Variants in HMX1 observed in about 807,000 individuals in gnomAD.
The protein encoded by HMX1 is H6 family homeobox 1, also known as homeobox protein HMX1.
HMX1 carries 8 observed loss-of-function variants against 8.9 expected under a neutral mutation model. The ratio of observed to expected loss-of-function variants is 0.90; its 90% CI spans 0.53 to 1.63. The LOEUF (loss-of-function observed/expected upper bound fraction) is 1.63. Among genes scored for constraint, HMX1 ranks in the 40% most tolerant of loss-of-function variants. The pLI is 0.00. For missense variants in HMX1, 621 were observed against 558.5 expected (o/e 1.11, Z -1.13); for synonymous variants, 311 against 283.4 (o/e 1.10, Z -0.98).
At chr4:8,860,662 G>A (rs1721770916) in intron 1 of HMX1, 1 of 152,312 alleles carries the variant, frequency 6.6e-6, no homozygotes, top group African/African-American at 2.4e-5. Context: ...CGCGCCTCGA[G>A]CTTCGCTCCG....
chr4:8,849,914 T>C lies in HMX1; in HGVS notation c.395-3590A>G, dbSNP rs1192996351. On this transcript the variant is annotated intron_variant, in intron 1 of 1. Coordinates refer to the HMX1 transcript ENST00000506970. The surrounding 1 kb of genome is among the most constrained non-coding windows in gnomAD (Gnocchi z 6.6). The stretch of plus-strand genomic sequence containing the variant: ...CTTGCTTCCTGTCAGGGGGGCCCGA[T>C]GGGAGGGACACAGGTGGGCAGGTGA... 6.6e-6 allele frequency among the ~76,000 whole-genome samples: 1 copy of C among 152,146 alleles called. No homozygotes were observed. The highest frequency in any genetic ancestry group is 1.5e-5 in the Non-Finnish European group (1 of 68,022).
intron 1 of HMX1, among the ~76,000 whole-genome samples, chr4:8,851,233 C>T (rs372830869): frequency 3.8e-4 from 58 of 152,276 alleles, no homozygotes; most frequent in African/African-American, 1.1e-3. Context: ...GAAGAGGGTT[C>T]GGGTCTTCGT....
In HMX1 at chr4:8,849,886, G is replaced by C. The variant is rs1721391120; in HGVS notation, c.395-3562C>G. Reference sequence around the variant, plus strand: ...CGGAGTCTTCAGATGAGGGTTCTCTGCCCTTGCTTCCTGTCAGGGGGGCCC... The same window carrying C: ...CGGAGTCTTCAGATGAGGGTTCTCTCCCCTTGCTTCCTGTCAGGGGGGCCC... On this transcript the variant is annotated intron_variant, in intron 1 of 1. Coordinates refer to the HMX1 transcript ENST00000506970. The surrounding 1 kb of genome is among the most constrained non-coding windows in gnomAD (Gnocchi z 6.6). 6.6e-6 allele frequency among the ~76,000 whole-genome samples: 1 copy of C among 152,182 alleles called. No homozygotes were observed. Among genetic ancestry groups the C allele is most frequent in the African/African-American group, 2.4e-5 (1 of 41,464 alleles).
chr4:8,848,852 C>T lies in HMX1; in HGVS notation c.395-2528G>A, dbSNP rs139007881. On this transcript the variant is annotated intron_variant, in intron 1 of 1. Coordinates refer to the HMX1 transcript ENST00000506970. This position sits in a 1 kb window ranked among gnomAD's most constrained non-coding sequence, Gnocchi z 4.1. Reference sequence around the variant, plus strand: ...CTGCCCAAGGGAAGGGCCTGGAGTCCCTGACACTTGGCCATCTGTGCACCG... The same window carrying T: ...CTGCCCAAGGGAAGGGCCTGGAGTCTCTGACACTTGGCCATCTGTGCACCG... 0.22 allele frequency among the ~76,000 whole-genome samples: 32,740 copies of T among 152,186 alleles called. 4,222 individuals carry two copies. Among genetic ancestry groups the T allele is most frequent in the East Asian group, 0.31 (1,610 of 5,166 alleles).
At chr4:8,863,282 C>T (rs559167852), downstream of HMX1, among the ~76,000 whole-genome samples, 13 of 152,340 alleles carry the variant, frequency 8.5e-5, no homozygotes, top group Admixed American at 8.5e-4. Context: ...CCCCGGTTTC[C>T]CTTTCCAACA....
intron 1 of HMX1, among the ~76,000 whole-genome samples, chr4:8,855,029 ACAGCAGACAC>A (rs2109457409): frequency 6.6e-6 from 1 of 152,332 alleles, no homozygotes; most frequent in South Asian, 2.1e-4. Context: ...GAGTCACCAC[ACAGCAGACAC>A]CAGCAGGCAA....
chr4:8,846,373 A>G (rs941727733), intron 1 of HMX1: 13 of 1,405,658 alleles, frequency 9.2e-6, no homozygotes, highest in Non-Finnish European at 1.3e-5. Context: ...ATGTCTGCAC[A>G]AGGTGTCAGC....
downstream of HMX1, among the ~76,000 whole-genome samples, chr4:8,866,272 C>T (rs997825208): frequency 6.6e-5 from 10 of 152,236 alleles, no homozygotes; most frequent in African/African-American, 2.4e-4. Context: ...AGCGTATGGC[C>T]CGGCTGCTGC....
rs1722065243 is a variant in HMX1 at position 8,867,899 on chromosome 4, G to C, written c.841C>G (p.Arg281Gly). Residue 281 changes from arginine (R) to glycine (G), a missense_variant, in exon 2 of 2, where the codon CGC becomes GGC. Transcript: ENST00000400677. ...CTTTCGTGGTAGAGCACCGGCACGC[G>C]GACCAGGCGCTGCGCTCCCGGCGGG... ...LSPPGAQRLV[R>G]VPVLYHESPP... 7.3e-7 allele frequency: 1 copy of C among 1,377,076 alleles called. No individual in the cohort carries two copies. The highest frequency in any genetic ancestry group is 3.1e-5 in the East Asian group (1 of 32,568). 85.3% of individuals were successfully genotyped at this position (1,377,076 alleles called of 1,614,324 possible).
rs1304088754 is a variant in HMX1, at chr4:8,848,378, C to T, written c.395-2054G>A. On this transcript the variant is annotated intron_variant, in intron 1 of 1. Transcript: ENST00000506970. This position sits in a 1 kb window ranked among gnomAD's most constrained non-coding sequence, Gnocchi z 4.1. ...CATATGTGGTTCACAGTCATAGCTT[C>T]TATTGGACAATGCCACCTTGAAGCC... Among the ~76,000 whole-genome samples, 1 of 152,204 alleles carries T rather than the reference C, an allele frequency of 6.6e-6. No homozygotes were observed. Among genetic ancestry groups the T allele is most frequent in the African/African-American group, 2.4e-5 (1 of 41,444 alleles).
Position 8,867,673 on chromosome 4 carries a change from G to A in HMX1, c.*20C>T, listed in dbSNP as rs1722049512. 1.6e-6 allele frequency: 2 copies of A among 1,240,214 alleles called. No homozygotes were observed. The highest frequency in any genetic ancestry group is 7.3e-5 in the South Asian group (2 of 27,472). 76.8% of individuals were successfully genotyped at this position (1,240,214 alleles called of 1,614,324 possible). On this transcript the variant is annotated 3_prime_UTR_variant, in exon 2 of 2. Transcript: ENST00000400677. ...ACACAGGTCCACAGGGTCGTGGGGA[G>A]AGGGCCCGGCAGGCGGGGCTCACAC... is the stretch of plus-strand genomic sequence containing the variant.
chr4:8,867,209 G>T lies in HMX1; in HGVS notation c.*484C>A. ...GGGTCCTTTCTCCACCAGCACCCGCGAGAGGGGTAGCACAGCCCTCCGGGC... is the reference window on the plus strand; with the variant it reads ...GGGTCCTTTCTCCACCAGCACCCGCTAGAGGGGTAGCACAGCCCTCCGGGC... On this transcript the variant is annotated 3_prime_UTR_variant, in exon 2 of 2. Transcript: ENST00000400677. The T allele has an allele frequency of 1.0e-6, 1 of 985,794 alleles. No homozygotes were observed. Among genetic ancestry groups the T allele is most frequent in the Non-Finnish European group, 1.2e-6 (1 of 830,162 alleles). 61.1% of individuals were successfully genotyped at this position (985,794 alleles called of 1,614,324 possible). A position where few individuals can be genotyped will look rare whatever the true frequency, so the allele number is the denominator to read the frequency against.
In HMX1 at chr4:8,870,611, T is replaced by TG. The variant is rs913854761; in HGVS notation, c.394+609dup. ...AGCGGGCACAGAGGAAACAGGACTC[T>TG]GGGGGGGCACAGCTGCCATGTTAGA... On this transcript the variant is annotated intron_variant, in intron 1 of 1. Transcript: ENST00000400677. The surrounding 1 kb of genome is among the most constrained non-coding windows in gnomAD (Gnocchi z 4.4). Among the ~76,000 whole-genome samples the TG allele has an allele frequency of 1.8e-4, 27 of 152,016 alleles. No homozygotes were observed. Among genetic ancestry groups the TG allele is most frequent in the African/African-American group, 3.4e-4 (14 of 41,408 alleles).
chr4:8,868,478 AC>A lies in HMX1; in HGVS notation c.395-134del. 1 of 680,624 alleles carries A rather than the reference AC, an allele frequency of 1.5e-6. No individual in the cohort carries two copies. The highest frequency in any genetic ancestry group is 2.1e-6 in the Non-Finnish European group (1 of 477,164). The allele number at this position is 680,624 out of a possible 1,614,324, so 42.2% of individuals were successfully genotyped here. The stretch of plus-strand genomic sequence containing the variant: ...AAGACCTTCCAGCACAGGGCTGGGC[AC>A]CCAGCAGCTCTGGGGATGCACACAT... On this transcript the variant is annotated intron_variant, in intron 1 of 1. Coordinates refer to ENST00000400677, the MANE Select transcript of HMX1 (RefSeq NM_018942.3). The surrounding 1 kb of genome is among the most constrained non-coding windows in gnomAD (Gnocchi z 4.6).
At chr4:8,862,492 C>G (rs566005675), downstream of HMX1, among the ~76,000 whole-genome samples, 2 of 152,242 alleles carry the variant, frequency 1.3e-5, no homozygotes, top group Admixed American at 6.5e-5. Context: ...ATCTAGTTCC[C>G]TCTATTGGCC....
At chr4:8,857,150 T>C (rs1721631760) in intron 1 of HMX1, among the ~76,000 whole-genome samples, 1 of 152,222 alleles carries the variant, frequency 6.6e-6, no homozygotes, top group African/African-American at 2.4e-5. Context: ...TCAGTGCTTG[T>C]AATTTTCTGA....
chr4:8,866,361 T>C (rs150442873), downstream of HMX1, among the ~76,000 whole-genome samples: 4 of 152,298 alleles, frequency 2.6e-5, no homozygotes, highest in East Asian at 5.8e-4. Flanking sequence ...AATTCTGCCA[T>C]GGAAGTGAAC....
rs868328464 is a variant in HMX1, at chr4:8,868,284, C to T, written c.456G>A (p.Pro152=). The T allele has an allele frequency of 3.1e-5, 45 of 1,440,662 alleles. No homozygotes were observed. In the African/African-American group the frequency reaches 5.6e-4, roughly 18 times the overall value. The allele number at this position is 1,440,662 out of a possible 1,614,324, so 89.2% of individuals were successfully genotyped here. Residue 152 remains proline, a synonymous_variant, in exon 2 of 2, where the codon CCG becomes CCA. Transcript: ENST00000400677. The surrounding 1 kb of genome is among the most constrained non-coding windows in gnomAD (Gnocchi z 4.6). ...EEMGRAEGAW[P]RGPGPGAVQR... ...GCACCGCTCCCGGCCCGGGGCCTCG[C>T]GGCCAGGCGCCCTCCGCACGGCCCA...
exon 2 of HMX1, chr4:8,846,211 C>A (rs1385311191): frequency 6.7e-7 from 1 of 1,495,752 alleles, no homozygotes; most frequent in Admixed American, 2.0e-5. Flanking sequence ...GTCCCTGCGG[C>A]CTCCTCCGCC....
Sources: allele counts gnomAD v4.1 joint callset (sites outside exome capture counted in the v4.1 genomes callset), GRCh38; gene constraint gnomAD v4.1.1; non-coding constraint Gnocchi (gnomAD v3.1); transcripts MANE v1.5; gene names NCBI Gene and HGNC (gene_info 2026-07-23, HGNC 2026-07-21).